The following TANC1 variants were observed in gnomAD, a reference collection of about 807,000 sequenced individuals.
The protein encoded by TANC1 is tetratricopeptide repeat, ankyrin repeat and coiled-coil containing 1, also known as protein TANC1.
In TANC1, 77 loss-of-function variants were observed where a neutral mutation model predicts 149.7. That is an observed-to-expected ratio of 0.51 (90% CI 0.43 to 0.62). The LOEUF is 0.62. Ranked by LOEUF, TANC1 falls within the 20% of genes least tolerant of loss-of-function variation. The pLI, the probability that TANC1 is intolerant of heterozygous loss-of-function variation, is 0.00. For missense variants in TANC1, 1,985 were observed against 2,321.8 expected, an observed-to-expected ratio of 0.85 and a Z score of 2.98; for synonymous variants, 854 against 925.0, an observed-to-expected ratio of 0.92 and a Z score of 1.39.
chr2:159,096,285 C>T (rs2046123048), intron 3 of TANC1, among the ~76,000 whole-genome samples: 1 of 140,130 alleles, frequency 7.1e-6, no homozygotes, highest in Non-Finnish European at 1.5e-5. Context: ...TACATGAGGA[C>T]TGGCTGTATT....
intron 16 of TANC1, among the ~76,000 whole-genome samples, chr2:159,188,689 T>C (rs2057209206): frequency 6.6e-6 from 1 of 152,246 alleles, no homozygotes; most frequent in African/African-American, 2.4e-5. Flanking sequence ...ATTGTGCTTG[T>C]GTGAGCTTCC....
intron 2 of TANC1, among the ~76,000 whole-genome samples, chr2:159,035,379 G>A (rs1299631177): frequency 6.6e-6 from 1 of 152,234 alleles, no homozygotes; most frequent in East Asian, 1.9e-4. Flanking sequence ...GTGGTGTAAT[G>A]CTCATTTTTT....
intron 5 of TANC1, among the ~76,000 whole-genome samples, chr2:159,138,579 G>A (rs548077053): frequency 6.6e-6 from 1 of 152,192 alleles, no homozygotes. Context: ...ACCCAGGTGT[G>A]TACAGATACA....
intron 2 of TANC1, among the ~76,000 whole-genome samples, chr2:159,048,912 T>A (rs1372300405): frequency 1.3e-5 from 2 of 152,210 alleles, no homozygotes; most frequent in African/African-American, 4.8e-5. Flanking sequence ...ATTACAGGCA[T>A]GAGCCACCAC....
At chr2:159,173,842 G>T (rs1431203693) in intron 11 of TANC1, among the ~76,000 whole-genome samples, 1 of 152,212 alleles carries the variant, frequency 6.6e-6, no homozygotes, top group Non-Finnish European at 1.5e-5. Flanking sequence ...GGCAACTCCA[G>T]GTTGGCCAGA....
chr2:159,011,677 A>G (rs559121748), intron 2 of TANC1, among the ~76,000 whole-genome samples: 1 of 152,280 alleles, frequency 6.6e-6, no homozygotes, highest in South Asian at 2.1e-4. Flanking sequence ...TTGGGACCAC[A>G]GGTGCACACC....
At chr2:158,970,279 G>T (rs1162816440) in intron 1 of TANC1, among the ~76,000 whole-genome samples, 6 of 152,026 alleles carry the variant, frequency 3.9e-5, no homozygotes, top group Non-Finnish European at 1.5e-5. Context: ...TTCCTTCCTT[G>T]GTCATCTTTA....
At chr2:159,057,954 G>C (rs951682974) in intron 2 of TANC1, among the ~76,000 whole-genome samples, 13 of 152,156 alleles carry the variant, frequency 8.5e-5, no homozygotes, top group Admixed American at 5.2e-4. Context: ...CTAGTTAGCC[G>C]TGTTTTGCTG....
At chr2:159,182,883 T>C (rs959955468) in intron 14 of TANC1, among the ~76,000 whole-genome samples, 1 of 152,250 alleles carries the variant, frequency 6.6e-6, no homozygotes, top group Non-Finnish European at 1.5e-5. Context: ...AGCTCTGTTC[T>C]CTGTTAACTC....
Position 159,084,109 on chromosome 2 carries a change from G to T in TANC1, c.62-13528G>T, listed in dbSNP as rs576159881. Among the ~76,000 whole-genome samples, 9 of 152,240 alleles carry T rather than the reference G, an allele frequency of 5.9e-5. No individual in the cohort carries two copies. In the South Asian group the frequency reaches 1.9e-3, roughly 32 times the overall value. ...CACTAAAAATACAAAAATTAGCCGG[G>T]GGTGGTGGTGAATGCCTGTAATCCC... On this transcript the variant is annotated intron_variant, in intron 3 of 26. Transcript: ENST00000263635.
intron 5 of TANC1, among the ~76,000 whole-genome samples, chr2:159,138,710 G>A (rs534710807): frequency 1.3e-5 from 2 of 152,098 alleles, no homozygotes; most frequent in African/African-American, 2.4e-5. Flanking sequence ...TTTCTAAGAC[G>A]CTTTTCTGGG....
intron 4 of TANC1, among the ~76,000 whole-genome samples, chr2:159,127,983 C>T (rs889418085): frequency 3.3e-5 from 5 of 152,214 alleles, no homozygotes; most frequent in Non-Finnish European, 7.3e-5. Flanking sequence ...GGCTGTCTGC[C>T]CTTTCCCAGT....
intron 1 of TANC1, among the ~76,000 whole-genome samples, chr2:158,970,775 A>C (rs898222141): frequency 2.0e-5 from 3 of 152,124 alleles, no homozygotes; most frequent in African/African-American, 7.2e-5. Context: ...AGTGTCATCG[A>C]TTTTAGTGGA....
chr2:159,144,638 C>T (rs2051848736), intron 5 of TANC1, among the ~76,000 whole-genome samples: 2 of 152,172 alleles, frequency 1.3e-5, no homozygotes, highest in South Asian at 2.1e-4. Context: ...CTCAGGTGAT[C>T]CATCTGCCTC....
chr2:159,094,761 G>T (rs1449161915), intron 3 of TANC1, among the ~76,000 whole-genome samples: 1 of 141,874 alleles, frequency 7.0e-6, no homozygotes, highest in African/African-American at 2.7e-5. Context: ...GGTGGATGAA[G>T]CTTGTGTGTG....
chr2:159,034,137 A>G (rs1024657497), intron 2 of TANC1, among the ~76,000 whole-genome samples: 1 of 152,182 alleles, frequency 6.6e-6, no homozygotes. Flanking sequence ...CCCTGCCTCT[A>G]CCTGCCAAAG....
At chr2:159,082,389 G>A (rs776531836) in intron 3 of TANC1, among the ~76,000 whole-genome samples, 7 of 151,526 alleles carry the variant, frequency 4.6e-5, no homozygotes, top group Non-Finnish European at 5.9e-5. Flanking sequence ...AAAAAAAGAC[G>A]GTGCTTAGAA....
chr2:159,194,553 G>C, intron 17 of TANC1, 60 bp downstream of exon 17: 3 of 1,410,546 alleles, frequency 2.1e-6, no homozygotes, highest in Non-Finnish European at 3.0e-6. Context: ...CTCATTGCTA[G>C]AATTGTTATT....
intron 3 of TANC1, among the ~76,000 whole-genome samples, chr2:159,070,497 C>T (rs1184311897): frequency 2.0e-5 from 3 of 152,184 alleles, no homozygotes; most frequent in Non-Finnish European, 4.4e-5. Context: ...CGTGTAATGA[C>T]ATATCTACCA....
Sources: allele counts gnomAD v4.1 joint callset (sites outside exome capture counted in the v4.1 genomes callset), GRCh38; gene constraint gnomAD v4.1.1; transcripts MANE v1.5; gene names NCBI Gene and HGNC (gene_info 2026-07-23, HGNC 2026-07-21).